Variants in DAAM2 observed in about 807,000 individuals in gnomAD.
DAAM2 encodes the protein dishevelled associated activator of morphogenesis 2, also known as disheveled-associated activator of morphogenesis 2.
DAAM2 carries 39 observed loss-of-function variants against 120.7 expected under a neutral mutation model. The observed-to-expected ratio is 0.32, with a 90% CI of 0.25 to 0.42. The LOEUF (loss-of-function observed/expected upper bound fraction) is 0.42, where lower values mean the gene tolerates loss of function less well. DAAM2 is among the 10% of genes least tolerant of loss of function. DAAM2 has a pLI of 1.00. For synonymous variants in DAAM2, 488 were observed against 524.9 expected (o/e 0.93, Z 0.96); for missense variants, 1,283 against 1,401.7 (o/e 0.92, Z 1.35).
rs1354406689 is a variant in DAAM2 at position 39,805,696 on chromosome 6, A to T, written c.-57+13231A>T. ...CAGCCTCTGGAGTAGCTGGGACTAC[A>T]GGCACCCACCACCACACCCGGCTAA... is the stretch of plus-strand genomic sequence containing the variant. On this transcript the variant is annotated intron_variant, in intron 1 of 24. Transcript: ENST00000274867. Among the ~76,000 whole-genome samples, 5 of 151,896 alleles carry T rather than the reference A, an allele frequency of 3.3e-5. No homozygotes were observed. The South Asian group carries it at 8.3e-4, about 25-fold the overall frequency.
At chr6:39,830,998 A>G (rs1004835917) in intron 1 of DAAM2, among the ~76,000 whole-genome samples, 1 of 152,106 alleles carries the variant, frequency 6.6e-6, no homozygotes, top group African/African-American at 2.4e-5. Context: ...CTTCACATCA[A>G]CGTGAGGGTG....
At chr6:39,844,401 A>G (rs1319858049) in intron 1 of DAAM2, among the ~76,000 whole-genome samples, 3 of 151,928 alleles carry the variant, frequency 2.0e-5, no homozygotes, top group Non-Finnish European at 4.4e-5. Flanking sequence ...CACCCCACCC[A>G]GAGCTAAATC....
intron 1 of DAAM2, among the ~76,000 whole-genome samples, chr6:39,835,967 G>A (rs944283366): frequency 5.9e-5 from 9 of 152,098 alleles, no homozygotes; most frequent in Non-Finnish European, 1.0e-4. Context: ...AATCCCTAGG[G>A]CAGGGTTGGG....
chr6:39,846,386 G>A (rs1355005582), intron 1 of DAAM2, among the ~76,000 whole-genome samples: 3 of 152,134 alleles, frequency 2.0e-5, no homozygotes, highest in Non-Finnish European at 4.4e-5. Context: ...CTAGTGATGG[G>A]GTAGAAGAAA....
At chr6:39,879,094 TAGA>T in intron 13 of DAAM2, 81 bp from the exon 14 acceptor site, 1 of 889,150 alleles carries the variant, frequency 1.1e-6, no homozygotes, top group South Asian at 1.7e-5. Context: ...AGAAAGAAAC[TAGA>T]AGGAGAGGAA....
chr6:39,896,526 G>T (rs565827964), intron 19 of DAAM2, among the ~76,000 whole-genome samples: 2 of 152,262 alleles, frequency 1.3e-5, no homozygotes, highest in South Asian at 4.2e-4. Flanking sequence ...TTAAATACAT[G>T]TAAGAAAAGA....
At chr6:39,894,992 G>A (rs146314079) in intron 19 of DAAM2, among the ~76,000 whole-genome samples, 23 of 152,184 alleles carry the variant, frequency 1.5e-4, no homozygotes, top group African/African-American at 5.5e-4. Context: ...TCAACATTAT[G>A]GTTGTGGGTT....
chr6:39,829,297 T>G (rs1762794066), intron 1 of DAAM2, among the ~76,000 whole-genome samples: 1 of 152,254 alleles, frequency 6.6e-6, no homozygotes. Flanking sequence ...AGAATGATCC[T>G]GTTTTTCTGT....
At chr6:39,813,356 A>G (rs1312022416) in intron 1 of DAAM2, among the ~76,000 whole-genome samples, 1 of 152,172 alleles carries the variant, frequency 6.6e-6, no homozygotes, top group East Asian at 1.9e-4. Context: ...TCTTTGGGGC[A>G]GCTCAGCTTA....
At chr6:39,876,065 T>C (rs1764856275) in intron 11 of DAAM2, among the ~76,000 whole-genome samples, 1 of 152,230 alleles carries the variant, frequency 6.6e-6, no homozygotes, top group African/African-American at 2.4e-5. Context: ...ACCACTGACA[T>C]AGAGCCTGAC....
At chr6:39,842,809 G>A (rs1267629309) in intron 1 of DAAM2, among the ~76,000 whole-genome samples, 2 of 151,864 alleles carry the variant, frequency 1.3e-5, no homozygotes, top group African/African-American at 4.8e-5. Flanking sequence ...GGTGGCATCT[G>A]CAGTGGGGAT....
In DAAM2 at chr6:39,853,541, G is replaced by A. The variant is rs564146236; in HGVS notation, c.-56-2706G>A. Reference sequence around the variant, plus strand: ...AATATTTAACAACAGGTATGGCACAGGCCCTGGCCAGTCAGAGCAATCATG... The same window carrying A: ...AATATTTAACAACAGGTATGGCACAAGCCCTGGCCAGTCAGAGCAATCATG... On this transcript the variant is annotated intron_variant, in intron 1 of 24. Coordinates refer to ENST00000274867, the MANE Select transcript of DAAM2 (RefSeq NM_001201427.2). 2.0e-4 allele frequency among the ~76,000 whole-genome samples: 30 copies of A among 152,308 alleles called. 1 individual carries two copies. Among genetic ancestry groups the A allele is most frequent in the Admixed American group, 4.6e-4 (7 of 15,300 alleles).
intron 19 of DAAM2, among the ~76,000 whole-genome samples, chr6:39,896,192 T>C (rs1206115916): frequency 7.5e-6 from 1 of 133,258 alleles, no homozygotes; most frequent in African/African-American, 2.8e-5. Flanking sequence ...ATCTGAATAA[T>C]CTTTTTTTCT....
At chr6:39,819,075 G>C (rs549635487) in intron 1 of DAAM2, 1 of 152,224 alleles carries the variant, frequency 6.6e-6, no homozygotes, top group African/African-American at 2.4e-5. Flanking sequence ...ATTTGAAAAT[G>C]TGGCATGTGG....
At chr6:39,858,835 T>C (rs758592138) in intron 2 of DAAM2, among the ~76,000 whole-genome samples, 3 of 152,020 alleles carry the variant, frequency 2.0e-5, no homozygotes, top group African/African-American at 4.8e-5. Flanking sequence ...TGAGGGAGGA[T>C]GGTGCCCTGA....
chr6:39,880,166 C>T (rs1471447818), intron 14 of DAAM2: 1 of 153,380 alleles, frequency 6.5e-6, no homozygotes, highest in Non-Finnish European at 1.5e-5. Context: ...ATTAGGAGGA[C>T]TAGGAGCTTT....
At chr6:39,833,001 C>A (rs1036741452) in intron 1 of DAAM2, among the ~76,000 whole-genome samples, 1 of 152,162 alleles carries the variant, frequency 6.6e-6, no homozygotes, top group Non-Finnish European at 1.5e-5. Flanking sequence ...GGCCCGAGGG[C>A]AGCCCCCAGG....
chr6:39,856,557 C>A, intron 2 of DAAM2, 87 bp downstream of exon 2: 1 of 1,102,422 alleles, frequency 9.1e-7, no homozygotes, highest in Non-Finnish European at 1.2e-6. Flanking sequence ...GGCCCCTGTG[C>A]TGGGGTCTCC....
At chr6:39,900,240 A>G (rs766171604) in intron 23 of DAAM2, 32 bp downstream of exon 23, 1 of 1,601,608 alleles carries the variant, frequency 6.2e-7, no homozygotes, top group Non-Finnish European at 8.5e-7. Context: ...CTGCTTGCCA[A>G]CCCAGCCTTA....
Sources: gnomAD v4.1 joint callset for allele counts (sites outside exome capture counted in the v4.1 genomes callset) on GRCh38, gnomAD v4.1.1 for gene constraint, MANE v1.5 for transcripts, NCBI Gene and HGNC (gene_info 2026-07-23, HGNC 2026-07-21) for gene names.